The following ACSM3 variants were observed in gnomAD, a reference collection of about 807,000 sequenced individuals.
ACSM3 encodes the protein acyl-coenzyme A synthetase ACSM3, mitochondrial.
A neutral mutation model predicts 74.1 loss-of-function variants in ACSM3; 61 were observed. That is an observed-to-expected ratio of 0.82 (90% CI 0.67 to 1.02). The LOEUF (loss-of-function observed/expected upper bound fraction) is 1.02. ACSM3 is among the 50% of genes least tolerant of loss of function. The pLI is 0.00. For synonymous variants in ACSM3, 213 were observed against 241.5 expected, an observed-to-expected ratio of 0.88 and a Z score of 1.09; for missense variants, 660 against 697.0, an observed-to-expected ratio of 0.95 and a Z score of 0.60.
intron 1 of ACSM3, chr16:20,741,481 G>GGGGGGGGGGGGCCCCCCCCCCCC: frequency 1.5e-6 from 2 of 1,308,410 alleles, no homozygotes; most frequent in Non-Finnish European, 2.0e-6. Context: ...CTGGCAGCCG[G>GGGGGGGGGGGGCCCCCCCCCCCC]CCCGCCCGCC....
intron 1 of ACSM3, among the ~76,000 whole-genome samples, chr16:20,727,743 A>G (rs1336377163): frequency 6.6e-6 from 1 of 152,174 alleles, no homozygotes; most frequent in African/African-American, 2.4e-5. Context: ...TGAGCAGCTC[A>G]TCTCTCCAAC....
rs116595150 is a variant in ACSM3 at position 20,793,658 on chromosome 16, T to C, written c.1554+1323T>C. Among the ~76,000 whole-genome samples the C allele has an allele frequency of 6.7e-3, 1,013 of 152,266 alleles. 18 individuals carry two copies. Among genetic ancestry groups the C allele is most frequent in the African/African-American group, 0.023 (953 of 41,542 alleles). On this transcript the variant is annotated intron_variant, in intron 12 of 13. Transcript: ENST00000289416. The stretch of plus-strand genomic sequence containing the variant: ...AGCCCAGTGGCTGGGAATTGGTAGT[T>C]TGTCAAGTTGCTAGGATGACAATCG...
chr16:20,749,326 A>G (rs1320944974), intron 1 of ACSM3: 1 of 152,198 alleles, frequency 6.6e-6, no homozygotes, highest in Non-Finnish European at 1.5e-5. Flanking sequence ...GAGAATTGTC[A>G]ACAAGGACTA....
At position 20,695,214 on chromosome 16, in the gene ACSM3, C is replaced by T. The variant is rs527766363; in HGVS notation, c.-190+20392C>T. Among the ~76,000 whole-genome samples, 5 of 152,276 alleles carry T rather than the reference C, an allele frequency of 3.3e-5. No individual in the cohort carries two copies. In the East Asian group the frequency reaches 9.6e-4, roughly 29 times the overall value. ...GGCCCTAGAGATCAAACAACACGGG[C>T]TCAAATTCCAGCACTTTCATTTCCC... On this transcript the variant is annotated intron_variant, in intron 1 of 3. Transcript: ENST00000561584.
At chr16:20,690,928 T>C in intron 1 of ACSM3, 1 of 1,486,506 alleles carries the variant, frequency 6.7e-7, no homozygotes, top group Non-Finnish European at 9.1e-7. Context: ...CCTTTCAGCC[T>C]AGTAGGAGCA....
chr16:20,747,084 A>C (rs1399111831), intron 1 of ACSM3, among the ~76,000 whole-genome samples: 3 of 152,136 alleles, frequency 2.0e-5, no homozygotes, highest in South Asian at 2.1e-4. Flanking sequence ...ATAAAAAAAA[A>C]AACAAGTTTT....
chr16:20,771,297 G>T (rs2080190405), intron 2 of ACSM3, among the ~76,000 whole-genome samples: 2 of 150,834 alleles, frequency 1.3e-5, no homozygotes, highest in Admixed American at 6.6e-5. Context: ...CTGGTCTCAA[G>T]TGATCCGCCC....
At chr16:20,759,353 C>T (rs768213984), upstream of ACSM3, among the ~76,000 whole-genome samples, 22 of 152,012 alleles carry the variant, frequency 1.4e-4, no homozygotes, top group Non-Finnish European at 2.2e-4. Flanking sequence ...GTCAGGAGAT[C>T]GAGACCATCT....
In ACSM3 at chr16:20,738,317, A is replaced by G. The variant is rs142375586; in HGVS notation, c.-189-11593A>G. 4.4e-3 allele frequency: 1,819 copies of G among 415,986 alleles called. 23 individuals carry two copies. Among genetic ancestry groups the G allele is most frequent in the African/African-American group, 0.034 (1,636 of 47,612 alleles). The allele number at this position is 415,986 out of a possible 1,614,324, so 25.8% of individuals were successfully genotyped here. On this transcript the variant is annotated intron_variant, in intron 1 of 3. Transcript: ENST00000561584. ...ACAGTACACACTTTTTTACAAAAAAAAAAAAAAAAAATTCTGTGAGTCACT... is the reference window on the plus strand; with the variant it reads ...ACAGTACACACTTTTTTACAAAAAAGAAAAAAAAAAATTCTGTGAGTCACT...
chr16:20,688,017 G>A (rs1269711655), intron 1 of ACSM3, among the ~76,000 whole-genome samples: 2 of 151,820 alleles, frequency 1.3e-5, no homozygotes, highest in African/African-American at 4.8e-5. Context: ...CCCAGGAGGT[G>A]GAGATTGCAG....
intron 1 of ACSM3, among the ~76,000 whole-genome samples, chr16:20,705,690 C>A (rs1368211356): frequency 6.6e-6 from 1 of 151,950 alleles, no homozygotes; most frequent in East Asian, 1.9e-4. Flanking sequence ...AATATAAAGT[C>A]TAAAATTACT....
intron 1 of ACSM3, among the ~76,000 whole-genome samples, chr16:20,684,165 A>G (rs980527772): frequency 6.6e-6 from 1 of 152,214 alleles, no homozygotes; most frequent in African/African-American, 2.4e-5. Context: ...AAATCTCTAC[A>G]TAAGAATTCT....
intron 9 of ACSM3, among the ~76,000 whole-genome samples, chr16:20,789,253 A>G (rs2080540161): frequency 1.3e-5 from 2 of 152,210 alleles, no homozygotes; most frequent in East Asian, 1.9e-4. Context: ...AATCATGCAC[A>G]GTGTTAAACT....
chr16:20,716,361 G>A lies in ACSM3; in HGVS notation c.-189-33549G>A, dbSNP rs151132311. Among the ~76,000 whole-genome samples the A allele has an allele frequency of 1.3e-3, 203 of 152,128 alleles. 1 individual carries two copies. Among genetic ancestry groups the A allele is most frequent in the African/African-American group, 4.7e-3 (195 of 41,496 alleles). On this transcript the variant is annotated intron_variant, in intron 1 of 3. Transcript: ENST00000561584. ...TGGGGTCCAGGGTCTAAAACCCCTCGTGGCCTTTGGAACAGCAAGCTCTGT... is the reference window on the plus strand; with the variant it reads ...TGGGGTCCAGGGTCTAAAACCCCTCATGGCCTTTGGAACAGCAAGCTCTGT...
At chr16:20,761,293 CA>C (rs2080074776), upstream of ACSM3, among the ~76,000 whole-genome samples, 1 of 152,192 alleles carries the variant, frequency 6.6e-6, no homozygotes, top group Admixed American at 6.5e-5. Flanking sequence ...TGTATCAAAT[CA>C]AACTGTAACC....
chr16:20,741,784 G>T (rs1257856774), intron 1 of ACSM3: 21 of 1,548,942 alleles, frequency 1.4e-5, no homozygotes, highest in Non-Finnish European at 1.7e-5. Flanking sequence ...CTCCGCTGCT[G>T]TTGGCGTCCT....
chr16:20,784,349 T>C (rs1303376620), intron 7 of ACSM3, among the ~76,000 whole-genome samples: 1 of 152,220 alleles, frequency 6.6e-6, no homozygotes, highest in East Asian at 1.9e-4. Context: ...GTACAGCAGA[T>C]TACAGAGTAC....
intron 1 of ACSM3, chr16:20,737,048 G>T (rs373748550): frequency 6.2e-7 from 1 of 1,614,106 alleles, no homozygotes; most frequent in African/African-American, 1.3e-5. Context: ...CTGCTGTGTT[G>T]TTTTGGTCTG....
chr16:20,686,234 C>T (rs1375436508), intron 1 of ACSM3, among the ~76,000 whole-genome samples: 1 of 151,948 alleles, frequency 6.6e-6, no homozygotes, highest in African/African-American at 2.4e-5. Flanking sequence ...TTAAGTTACT[C>T]TTAGAGGTGA....
Sources: allele counts gnomAD v4.1 joint callset (sites outside exome capture counted in the v4.1 genomes callset), GRCh38; gene constraint gnomAD v4.1.1; transcripts MANE v1.5; gene names NCBI Gene and HGNC (gene_info 2026-07-23, HGNC 2026-07-21).